Variants in CETP observed in about 807,000 individuals in gnomAD.
CETP encodes BPI fold containing family F.
CETP carries 56 observed loss-of-function variants against 66.5 expected under a neutral mutation model. That is an observed-to-expected ratio of 0.84 (90% CI 0.68 to 1.05). CETP has a LOEUF of 1.05. Ranked by LOEUF, CETP falls within the 50% of genes least tolerant of loss-of-function variation. The pLI is 0.00. For synonymous variants in CETP, 251 were observed against 245.7 expected, an observed-to-expected ratio of 1.02 and a Z score of -0.20; for missense variants, 612 against 609.6, an observed-to-expected ratio of 1.00 and a Z score of -0.04.
chr16:56,980,244 GTTGTTTGT>G (rs1247474408), intron 11 of CETP, among the ~76,000 whole-genome samples: 1 of 152,038 alleles, frequency 6.6e-6, no homozygotes, highest in African/African-American at 2.4e-5. Context: ...CTTTTTTGTT[GTTGTTTGT>G]TTGTTTGTTT....
intron 10 of CETP, among the ~76,000 whole-genome samples, chr16:56,977,664 C>A (rs973640906): frequency 1.3e-5 from 2 of 152,212 alleles, no homozygotes; most frequent in African/African-American, 4.8e-5. Flanking sequence ...TATCCCCACC[C>A]CTAGCCCAGC....
chr16:56,974,214 G>A (rs1419519685), intron 9 of CETP, among the ~76,000 whole-genome samples: 21 of 152,208 alleles, frequency 1.4e-4, no homozygotes, highest in African/African-American at 4.8e-4. Flanking sequence ...AGAGACAGGA[G>A]GGTCCCTGGA....
Position 56,963,131 on chromosome 16 carries a change from C to T in CETP, c.233+7C>T, listed in dbSNP as rs376549965. On this transcript the variant is annotated splice_region_variant and intron_variant, in intron 2 of 15. Transcript: ENST00000200676. Reference sequence around the variant, plus strand: ...TCAAGTATGGGTTGCACAAGTGAGTCGGGCCTCGGGTGTGACCAGGCTGGG... The same window carrying T: ...TCAAGTATGGGTTGCACAAGTGAGTTGGGCCTCGGGTGTGACCAGGCTGGG... The T allele has an allele frequency of 1.1e-5, 17 of 1,609,090 alleles. No individual in the cohort carries two copies. Among genetic ancestry groups the T allele is most frequent in the Admixed American group, 3.3e-5 (2 of 59,960 alleles).
chr16:56,983,242 A>G lies in CETP; in HGVS notation c.1322-84A>G, dbSNP rs1311237687. ...AATATTGGTCCAAAAGGGTCTCAGC[A>G]TCTCCCACTACCCAGGGTGGCAGAG... On this transcript the variant is annotated intron_variant, in intron 14 of 15. Coordinates refer to ENST00000200676, the MANE Select transcript of CETP (RefSeq NM_000078.3). The G allele has an allele frequency of 1.0e-5, 11 of 1,058,830 alleles. No individual in the cohort carries two copies. In the African/African-American group the frequency reaches 1.2e-4, roughly 12 times the overall value. 65.6% of individuals were successfully genotyped at this position (1,058,830 alleles called of 1,614,324 possible). A position where few individuals can be genotyped will look rare whatever the true frequency, so the allele number is the denominator to read the frequency against.
intron 12 of CETP, among the ~76,000 whole-genome samples, 168 bp downstream of exon 12, chr16:56,981,393 G>C (rs748998989): frequency 9.2e-5 from 14 of 152,200 alleles, no homozygotes; most frequent in African/African-American, 3.4e-4. Flanking sequence ...AATCTTCGTG[G>C]GGAAGAAGGG....
In CETP at chr16:56,982,211, C is replaced by G. The variant is rs1216212094; in HGVS notation, c.1295C>G (p.Ala432Gly). 6.2e-7 allele frequency: 1 copy of G among 1,614,184 alleles called. No homozygotes were observed. The highest frequency in any genetic ancestry group is 8.5e-7 in the Non-Finnish European group (1 of 1,180,030). The change falls in exon 14 of 16, where the codon GCT becomes GGT. Residue 432 changes from alanine (A) to glycine (G), a missense_variant. Ala to Gly is a moderately conservative substitution (Grantham distance 60, BLOSUM62 0). Transcript: ENST00000200676. ...VQSFLQSMIT[A>G]VGIPEVMSRL... ...AGCTTCCTGCAGTCAATGATCACCG[C>G]TGTGGGCATCCCTGAGGTCATGTCT...
At chr16:56,964,664 A>G (rs1240102394) in intron 2 of CETP, among the ~76,000 whole-genome samples, 7 of 151,816 alleles carry the variant, frequency 4.6e-5, no homozygotes, top group African/African-American at 1.7e-4. Flanking sequence ...CTACCCGCGC[A>G]CATTGGGCCT....
chr16:56,981,028 A>G, intron 11 of CETP, 130 bp from the exon 12 acceptor site: 1 of 776,812 alleles, frequency 1.3e-6, no homozygotes. Flanking sequence ...GCAGTAGCTA[A>G]GCCTGGTTCC....
At chr16:56,980,312 C>T (rs1193148661) in intron 11 of CETP, among the ~76,000 whole-genome samples, 2 of 152,084 alleles carry the variant, frequency 1.3e-5, no homozygotes, top group Non-Finnish European at 2.9e-5. Context: ...CCTCCCACCT[C>T]AGCTTCTCGA....
Position 56,963,012 on chromosome 16 carries a change from A to T in CETP, c.121A>T (p.Asn41Tyr). 6.2e-7 allele frequency: 1 copy of T among 1,613,818 alleles called. No individual in the cohort carries two copies. ...TCATCCACTGCCCTCCCCTCTAGTG[A>T]ACCACGAGACTGCCAAGGTGATCCA... is the stretch of plus-strand genomic sequence containing the variant. ...RITKPALLVL[N>Y]HETAKVIQTA... Residue 41 changes from asparagine to tyrosine, a missense_variant and splice_region_variant, in exon 2 of 16, where the codon AAC becomes TAC. Asn to Tyr is a moderately radical substitution (Grantham distance 143). Transcript: ENST00000200676.
At position 56,975,289 on chromosome 16, in the gene CETP, G is replaced by C. The variant is rs13306232; in HGVS notation, c.981+138G>C. ...GAACACAGCTCCTACTCGGTTGTTC[G>C]GCATGGAGTGAAGCACTTAGTGTGT... On this transcript the variant is annotated intron_variant, in intron 10 of 15. Coordinates refer to ENST00000200676, the MANE Select transcript of CETP (RefSeq NM_000078.3). 5.3e-6 allele frequency: 4 copies of C among 754,710 alleles called. No homozygotes were observed. In the African/African-American group the frequency reaches 6.9e-5, roughly 13 times the overall value. The allele number at this position is 754,710 out of a possible 1,614,324, so 46.8% of individuals were successfully genotyped here. A position where few individuals can be genotyped will look rare whatever the true frequency, so the allele number is the denominator to read the frequency against.
intron 2 of CETP, among the ~76,000 whole-genome samples, chr16:56,963,600 G>C (rs2056041839): frequency 6.6e-6 from 1 of 152,146 alleles, no homozygotes; most frequent in Non-Finnish European, 1.5e-5. Flanking sequence ...GATGGTAACA[G>C]TCAAGGGTCG....
chr16:56,977,460 C>G (rs1421207300), intron 10 of CETP, among the ~76,000 whole-genome samples: 2 of 152,174 alleles, frequency 1.3e-5, no homozygotes, highest in Non-Finnish European at 2.9e-5. Context: ...TCCCCCATGC[C>G]ATCTGCTCCT....
At chr16:56,963,162 G>A in intron 2 of CETP, 38 bp downstream of exon 2, 1 of 1,535,786 alleles carries the variant, frequency 6.5e-7, no homozygotes, top group Non-Finnish European at 9.0e-7. Flanking sequence ...CTGGGGGTAG[G>A]GAGGCGGGAG....
chr16:56,973,634 A>G, intron 9 of CETP, 124 bp downstream of exon 9: 1 of 1,056,426 alleles, frequency 9.5e-7, no homozygotes, highest in South Asian at 1.5e-5. Context: ...ACTAAGCTGG[A>G]GCAATAGCAG....
chr16:56,969,840 G>T, intron 4 of CETP, 74 bp from the exon 5 acceptor site: 1 of 1,569,374 alleles, frequency 6.4e-7, no homozygotes. Context: ...CCAAGCTCTT[G>T]ACTGGCCTGG....
intron 2 of CETP, among the ~76,000 whole-genome samples, chr16:56,967,609 C>T (rs1480288635): frequency 1.4e-5 from 2 of 144,834 alleles, no homozygotes; most frequent in East Asian, 2.0e-4. Flanking sequence ...GAGCCGAGAT[C>T]GTGCCACTGC....
At chr16:56,962,969 G>A (rs756666516) in intron 1 of CETP, 41 bp from the exon 2 acceptor site, 1 of 1,559,122 alleles carries the variant, frequency 6.4e-7, no homozygotes, top group Non-Finnish European at 8.8e-7. Context: ...AGGGGGCTTG[G>A]TGTGGGCCTG....
At chr16:56,965,175 A>G (rs957791206) in intron 2 of CETP, among the ~76,000 whole-genome samples, 1 of 152,258 alleles carries the variant, frequency 6.6e-6, no homozygotes, top group African/African-American at 2.4e-5. Context: ...AGTTAAAGAA[A>G]TAGTATCCTT....
Sources: allele counts gnomAD v4.1 joint callset (sites outside exome capture counted in the v4.1 genomes callset), GRCh38; gene constraint gnomAD v4.1.1; transcripts MANE v1.5; gene names NCBI Gene and HGNC (gene_info 2026-07-23, HGNC 2026-07-21).